Variants in ERBB4 observed in about 807,000 individuals in gnomAD.
ERBB4 encodes receptor tyrosine-protein kinase erbB-4.
A neutral mutation model predicts 158.0 loss-of-function variants in ERBB4; 42 were observed. That is an observed-to-expected ratio of 0.27 (90% CI 0.21 to 0.34). ERBB4 has a LOEUF of 0.34. ERBB4 is among the 10% of genes least tolerant of loss of function. The pLI, the probability that ERBB4 is intolerant of heterozygous loss-of-function variation, is 1.00. For missense variants in ERBB4, 1,333 were observed against 1,624.1 expected (o/e 0.82, Z 3.08); for synonymous variants, 583 against 558.7 (o/e 1.04, Z -0.61).
intron 2 of ERBB4, among the ~76,000 whole-genome samples, chr2:211,949,599 T>C (rs1385052539): frequency 6.6e-6 from 1 of 152,214 alleles, no homozygotes; most frequent in Non-Finnish European, 1.5e-5. Flanking sequence ...ATGGCTCTTA[T>C]TATAATTCTG....
At chr2:212,368,982 T>C (rs2089991547) in intron 1 of ERBB4, among the ~76,000 whole-genome samples, 1 of 152,136 alleles carries the variant, frequency 6.6e-6, no homozygotes, top group African/African-American at 2.4e-5. Flanking sequence ...GCCAACCTTC[T>C]GAATTAGAAT....
At chr2:211,578,270 A>T (rs2067953751) in intron 19 of ERBB4, among the ~76,000 whole-genome samples, 1 of 152,196 alleles carries the variant, frequency 6.6e-6, no homozygotes. Context: ...CTCTTCGAGG[A>T]GAACTACAAA....
chr2:212,474,498 G>A (rs555435158), intron 1 of ERBB4, among the ~76,000 whole-genome samples: 1 of 152,176 alleles, frequency 6.6e-6, no homozygotes, highest in African/African-American at 2.4e-5. Flanking sequence ...AAATAACGTG[G>A]CACAGAAACA....
intron 3 of ERBB4, among the ~76,000 whole-genome samples, chr2:211,878,358 T>G (rs1290380997): frequency 6.6e-6 from 1 of 152,142 alleles, no homozygotes; most frequent in Non-Finnish European, 1.5e-5. Flanking sequence ...GATAACTTTG[T>G]CATTAGTTGT....
At chr2:211,944,206 A>ATATATATATATATATAT (rs371912701) in intron 3 of ERBB4, among the ~76,000 whole-genome samples, 10 of 104,058 alleles carry the variant, frequency 9.6e-5, no homozygotes, top group Admixed American at 2.1e-4. Flanking sequence ...TATACTATAT[A>ATATATATATATATATAT]TATATATACA....
chr2:212,073,842 G>T (rs1238766652), intron 2 of ERBB4, among the ~76,000 whole-genome samples: 1 of 151,994 alleles, frequency 6.6e-6, no homozygotes, highest in Non-Finnish European at 1.5e-5. Flanking sequence ...ATTTATCAAT[G>T]TCTAGAAATA....
intron 1 of ERBB4, among the ~76,000 whole-genome samples, chr2:212,346,318 A>G (rs1221091358): frequency 6.6e-6 from 1 of 151,530 alleles, no homozygotes; most frequent in Non-Finnish European, 1.5e-5. Context: ...GCCCCCCCCA[A>G]GAAAAGCCAC....
chr2:211,994,152 G>A (rs2049164), intron 2 of ERBB4, among the ~76,000 whole-genome samples: 101,779 of 151,802 alleles, frequency 0.67, 34,850 homozygotes, highest in Non-Finnish European at 0.75. Flanking sequence ...TCTATCACAA[G>A]CAGGTTCTCA....
intron 3 of ERBB4, among the ~76,000 whole-genome samples, chr2:211,908,417 T>A (rs963151634): frequency 1.3e-5 from 2 of 151,810 alleles, no homozygotes; most frequent in African/African-American, 4.8e-5. Context: ...ACTATTATAC[T>A]TGGGGTTTCA....
At chr2:211,614,888 G>A (rs115993338) in intron 19 of ERBB4, among the ~76,000 whole-genome samples, 1 of 151,920 alleles carries the variant, frequency 6.6e-6, no homozygotes, top group African/African-American at 2.4e-5. Flanking sequence ...AGTTGTGTAA[G>A]ATAAATAAAA....
chr2:212,470,328 G>A (rs1027428831), intron 1 of ERBB4, among the ~76,000 whole-genome samples: 4 of 151,426 alleles, frequency 2.6e-5, no homozygotes, highest in Non-Finnish European at 5.9e-5. Context: ...TTAGCTTTGA[G>A]GTGAAAAAAA....
chr2:212,343,525 A>G (rs1309829401), intron 1 of ERBB4, among the ~76,000 whole-genome samples: 1 of 152,174 alleles, frequency 6.6e-6, no homozygotes, highest in Non-Finnish European at 1.5e-5. Flanking sequence ...ACATAAATTT[A>G]TAACGGGATT....
intron 2 of ERBB4, among the ~76,000 whole-genome samples, chr2:211,950,386 A>T (rs1242858241): frequency 6.6e-6 from 1 of 152,160 alleles, no homozygotes; most frequent in Non-Finnish European, 1.5e-5. Flanking sequence ...TATAGACTGG[A>T]GCCACTTCTC....
At chr2:211,405,146 C>T (rs762921754) in intron 25 of ERBB4, among the ~76,000 whole-genome samples, 1 of 151,976 alleles carries the variant, frequency 6.6e-6, no homozygotes, top group African/African-American at 2.4e-5. Context: ...AAGTAAGTGG[C>T]CAAGTTTACA....
chr2:212,090,215 C>T (rs2078731422), intron 2 of ERBB4, among the ~76,000 whole-genome samples: 1 of 103,306 alleles, frequency 9.7e-6, no homozygotes, highest in African/African-American at 3.0e-5. Flanking sequence ...AAAGATAATT[C>T]CCGTCAAGGA....
chr2:211,527,357 C>A (rs2066376971), intron 20 of ERBB4, among the ~76,000 whole-genome samples: 1 of 151,966 alleles, frequency 6.6e-6, no homozygotes, highest in Non-Finnish European at 1.5e-5. Context: ...ACAAAATATC[C>A]TTAAAGCATG....
Position 212,371,032 on chromosome 2 carries a change from C to A in ERBB4, c.82+167417G>T, listed in dbSNP as rs113803776. Among the ~76,000 whole-genome samples, 805 of 152,186 alleles carry A rather than the reference C, an allele frequency of 5.3e-3. 12 individuals are homozygous for A. The highest frequency in any genetic ancestry group is 0.018 in the African/African-American group (739 of 41,524). Reference sequence around the variant, plus strand: ...CTCAAGATGACTAACTGGATATGAACTAGAGATATGAGTAAAACATGTCCA... The same window carrying A: ...CTCAAGATGACTAACTGGATATGAAATAGAGATATGAGTAAAACATGTCCA... On this transcript the variant is annotated intron_variant, in intron 1 of 27. Coordinates refer to ENST00000342788, the MANE Select transcript of ERBB4 (RefSeq NM_005235.3).
intron 1 of ERBB4, among the ~76,000 whole-genome samples, chr2:212,432,369 T>C (rs1393722364): frequency 6.6e-6 from 1 of 152,144 alleles, no homozygotes; most frequent in Non-Finnish European, 1.5e-5. Flanking sequence ...TGGTTGCAAT[T>C]TGCTTTTAAG....
At chr2:212,530,012 T>C (rs1409424400) in intron 1 of ERBB4, among the ~76,000 whole-genome samples, 1 of 152,114 alleles carries the variant, frequency 6.6e-6, no homozygotes, top group Non-Finnish European at 1.5e-5. Flanking sequence ...TAAAAAGAAA[T>C]TGAAGACAGT....
Sources: gnomAD v4.1 joint callset for allele counts (sites outside exome capture counted in the v4.1 genomes callset) on GRCh38, gnomAD v4.1.1 for gene constraint, MANE v1.5 for transcripts, NCBI Gene and HGNC (gene_info 2026-07-23, HGNC 2026-07-21) for gene names.